Variants in FAF1 observed in about 807,000 individuals in gnomAD.
The protein encoded by FAF1 is FAS-associated factor 1.
A neutral mutation model predicts 92.5 loss-of-function variants in FAF1; 25 were observed. The observed-to-expected ratio is 0.27, with a 90% CI of 0.20 to 0.38. The LOEUF (loss-of-function observed/expected upper bound fraction) is 0.38. Among genes scored for constraint, FAF1 ranks in the 10% least tolerant of loss-of-function variants. The pLI is 1.00. For synonymous variants in FAF1, 234 were observed against 273.2 expected (o/e 0.86, Z 1.42); for missense variants, 636 against 793.3 (o/e 0.80, Z 2.38).
chr1:50,467,625 T>G (rs1160010692), intron 18 of FAF1, among the ~76,000 whole-genome samples: 1 of 152,196 alleles, frequency 6.6e-6, no homozygotes, highest in African/African-American at 2.4e-5. Context: ...GAAAGTATTT[T>G]TCTAGATGAT....
At position 50,491,750 on chromosome 1, in the gene FAF1, G is replaced by A. The variant is rs1344381654; in HGVS notation, c.1546C>T (p.Arg516Cys). Residue 516 changes from arginine (R) to cysteine (C), a missense_variant, in exon 16 of 19, where the codon CGC (arginine) becomes TGC (cysteine). By Grantham distance (180) the Arg-to-Cys change is radical. This residue lies in a region of FAF1 where 319 missense variants were observed against 451.0 expected (regional missense o/e 0.71). Coordinates refer to ENST00000396153, the MANE Select transcript of FAF1 (RefSeq NM_007051.3). ...NVKREQDEAY[R>C]LSLEADRAKR... ...GCTCTGTCAGCCTCAAGTGAAAGGC[G>A]ATAGGCCTCATCTTGCTCTCTCTTC... The A allele has an allele frequency of 6.2e-7, 1 of 1,612,564 alleles. No homozygotes were observed. The highest frequency in any genetic ancestry group is 8.5e-7 in the Non-Finnish European group (1 of 1,179,338).
chr1:50,739,334 A>G (rs754338513), intron 5 of FAF1, among the ~76,000 whole-genome samples: 3 of 152,152 alleles, frequency 2.0e-5, no homozygotes, highest in Non-Finnish European at 4.4e-5. Context: ...ACATGTGTAC[A>G]CGTACATGCA....
At chr1:50,627,616 T>G (rs1028206022) in intron 8 of FAF1, among the ~76,000 whole-genome samples, 8 of 151,932 alleles carry the variant, frequency 5.3e-5, no homozygotes, top group Non-Finnish European at 8.8e-5. Context: ...AAATAGTACA[T>G]ACCGCATGAT....
At chr1:50,861,716 T>TA (rs942559430) in intron 1 of FAF1, among the ~76,000 whole-genome samples, 3 of 151,470 alleles carry the variant, frequency 2.0e-5, no homozygotes, top group Non-Finnish European at 4.4e-5. Context: ...AAAAGTTATT[T>TA]AAAAAAAAGA....
At chr1:50,595,012 C>T (rs767489009) in intron 9 of FAF1, among the ~76,000 whole-genome samples, 2 of 151,862 alleles carry the variant, frequency 1.3e-5, no homozygotes, top group Non-Finnish European at 2.9e-5. Context: ...AACACTATCA[C>T]TGCATTTTTT....
chr1:50,735,252 T>A (rs753665730), intron 6 of FAF1, among the ~76,000 whole-genome samples: 1 of 152,248 alleles, frequency 6.6e-6, no homozygotes, highest in South Asian at 2.1e-4. Context: ...CTGTGATTTA[T>A]AATAGAATTT....
At chr1:50,739,017 C>T in intron 5 of FAF1, 63 bp from the exon 6 acceptor site, 2 of 1,028,590 alleles carry the variant, frequency 1.9e-6, no homozygotes, top group Non-Finnish European at 2.9e-6. Context: ...ATTGATTTTT[C>T]CTGTAATTCT....
At chr1:50,502,862 CAGGCTG>C (rs1647009105) in intron 15 of FAF1, among the ~76,000 whole-genome samples, 1 of 152,076 alleles carries the variant, frequency 6.6e-6, no homozygotes, top group East Asian at 1.9e-4. Flanking sequence ...CTCTGTCACT[CAGGCTG>C]CAGTGCAGTG....
intron 12 of FAF1, among the ~76,000 whole-genome samples, chr1:50,573,578 C>T (rs1384123767): frequency 6.6e-6 from 1 of 152,088 alleles, no homozygotes; most frequent in African/African-American, 2.4e-5. Flanking sequence ...TGAAAAGAAT[C>T]ACAAAACTTA....
chr1:50,824,554 T>C (rs1451534991), intron 2 of FAF1, among the ~76,000 whole-genome samples: 2 of 152,044 alleles, frequency 1.3e-5, no homozygotes, highest in African/African-American at 4.8e-5. Context: ...GAAAACAATA[T>C]AGAGGTTCCT....
intron 17 of FAF1, among the ~76,000 whole-genome samples, chr1:50,486,723 C>T (rs575803944): frequency 1.3e-5 from 2 of 152,162 alleles, no homozygotes; most frequent in Admixed American, 6.5e-5. Flanking sequence ...GACTATGCCT[C>T]GCACCTACAG....
intron 17 of FAF1, among the ~76,000 whole-genome samples, chr1:50,485,660 A>G: frequency 8.3e-6 from 1 of 121,010 alleles, no homozygotes; most frequent in Non-Finnish European, 1.6e-5. Flanking sequence ...ACAGAGCGAG[A>G]CTGTCTCAAA....
intron 1 of FAF1, among the ~76,000 whole-genome samples, chr1:50,886,472 G>A (rs1037403634): frequency 6.6e-6 from 1 of 151,986 alleles, no homozygotes; most frequent in Non-Finnish European, 1.5e-5. Context: ...TTTGTGTGCT[G>A]CACCCACTAA....
rs192773946 is a variant in FAF1, at chr1:50,888,379, C to T, written c.46-30382G>A. 2.8e-3 allele frequency among the ~76,000 whole-genome samples: 421 copies of T among 152,272 alleles called. 18 individuals are homozygous for T. In the South Asian group the frequency reaches 0.082, roughly 30 times the overall value. On this transcript the variant is annotated intron_variant, in intron 1 of 18. Coordinates refer to ENST00000396153, the MANE Select transcript of FAF1 (RefSeq NM_007051.3). ...GAATCCCCTTTCTTTCTTTCTCCTG[C>T]CTGATTGCCCTGGCCAGAACTTCCA... is the stretch of plus-strand genomic sequence containing the variant.
intron 1 of FAF1, among the ~76,000 whole-genome samples, chr1:50,923,794 T>C (rs551553177): frequency 3.9e-5 from 6 of 152,268 alleles, no homozygotes; most frequent in Admixed American, 3.3e-4. Flanking sequence ...ATAAATACAG[T>C]ACATCAAAAT....
chr1:50,953,120 T>C (rs1645233983), intron 1 of FAF1, among the ~76,000 whole-genome samples: 2 of 152,180 alleles, frequency 1.3e-5, no homozygotes, highest in African/African-American at 4.8e-5. Flanking sequence ...CTGAAACATG[T>C]GCTGTGTCCA....
At chr1:50,447,976 G>A (rs534523269) in intron 18 of FAF1, among the ~76,000 whole-genome samples, 2 of 152,304 alleles carry the variant, frequency 1.3e-5, no homozygotes, top group South Asian at 4.1e-4. Context: ...TCTTGTCTAG[G>A]CTTTAATTTT....
chr1:50,481,419 C>A (rs757059589), intron 17 of FAF1, among the ~76,000 whole-genome samples: 5 of 152,168 alleles, frequency 3.3e-5, no homozygotes, highest in Non-Finnish European at 4.4e-5. Context: ...ACCTTTTCTA[C>A]ATTTAGATAT....
At chr1:50,931,720 C>T (rs983524714) in intron 1 of FAF1, among the ~76,000 whole-genome samples, 1 of 151,360 alleles carries the variant, frequency 6.6e-6, no homozygotes, top group East Asian at 1.9e-4. Flanking sequence ...ACAACAACAA[C>T]AAAAAAATTA....
Sources: allele counts gnomAD v4.1 joint callset (sites outside exome capture counted in the v4.1 genomes callset), GRCh38; gene constraint gnomAD v4.1.1; regional missense constraint gnomAD v4.1.1; transcripts MANE v1.5; gene names NCBI Gene and HGNC (gene_info 2026-07-23, HGNC 2026-07-21).